Variants in MSH3 observed in about 807,000 individuals in gnomAD.
The protein encoded by MSH3 is DNA mismatch repair protein Msh3.
Under a neutral mutation model 123.3 loss-of-function variants are expected in MSH3, and 106 were observed. That is an observed-to-expected ratio of 0.86 (90% CI 0.73 to 1.01). The LOEUF is 1.01. Among genes scored for constraint, MSH3 ranks in the 50% least tolerant of loss-of-function variants. The pLI, the probability that MSH3 is intolerant of heterozygous loss-of-function variation, is 0.00. For synonymous variants in MSH3, 515 were observed against 481.4 expected, an observed-to-expected ratio of 1.07 and a Z score of -0.91; for missense variants, 1,459 against 1,347.6, an observed-to-expected ratio of 1.08 and a Z score of -1.29.
At chr5:80,785,679 G>C (rs892277232) in intron 17 of MSH3, among the ~76,000 whole-genome samples, 3 of 152,088 alleles carry the variant, frequency 2.0e-5, no homozygotes, top group African/African-American at 7.2e-5. Flanking sequence ...CTGCTATAAA[G>C]ACACATGCAC....
At chr5:80,768,513 CAT>C (rs1001821019) in intron 14 of MSH3, among the ~76,000 whole-genome samples, 2 of 152,112 alleles carry the variant, frequency 1.3e-5, no homozygotes, top group African/African-American at 2.4e-5. Context: ...GTAGTTATAA[CAT>C]ATTGCACAAA....
At chr5:80,672,156 C>A (rs983516763) in intron 4 of MSH3, 88 bp from the exon 5 acceptor site, 1 of 953,938 alleles carries the variant, frequency 1.0e-6, no homozygotes, top group Non-Finnish European at 1.7e-6. Flanking sequence ...AAATGTATAC[C>A]TTGATTAATT....
chr5:80,760,739 C>G (rs577150650), intron 12 of MSH3, among the ~76,000 whole-genome samples: 2 of 152,328 alleles, frequency 1.3e-5, no homozygotes, highest in African/African-American at 4.8e-5. Flanking sequence ...GGATTTTCTG[C>G]TCCACTGTGG....
intron 10 of MSH3, among the ~76,000 whole-genome samples, chr5:80,733,941 A>G (rs1743459291): frequency 6.6e-6 from 1 of 152,178 alleles, no homozygotes; most frequent in African/African-American, 2.4e-5. Context: ...TGATCCAGCA[A>G]TTCCACTAGA....
At chr5:80,845,717 T>A (rs1745708172) in intron 20 of MSH3, among the ~76,000 whole-genome samples, 1 of 152,208 alleles carries the variant, frequency 6.6e-6, no homozygotes, top group Admixed American at 6.5e-5. Flanking sequence ...TGTGCATGCA[T>A]CATGAAGTTC....
At chr5:80,761,989 GT>G (rs1207046453) in intron 13 of MSH3, among the ~76,000 whole-genome samples, 19 of 151,580 alleles carry the variant, frequency 1.3e-4, no homozygotes, top group Non-Finnish European at 2.5e-4. Flanking sequence ...GGAAATTTAT[GT>G]AGACTTGTTA....
chr5:80,677,760 T>TA (rs1749875143), intron 7 of MSH3, among the ~76,000 whole-genome samples: 1 of 152,228 alleles, frequency 6.6e-6, no homozygotes, highest in Non-Finnish European at 1.5e-5. Flanking sequence ...ATAGTGTGTG[T>TA]ATTCTTTTGG....
intron 20 of MSH3, among the ~76,000 whole-genome samples, chr5:80,833,644 T>C (rs979863937): frequency 6.6e-6 from 1 of 152,220 alleles, no homozygotes; most frequent in Non-Finnish European, 1.5e-5. Context: ...GGTTTCACCA[T>C]GTTGGCCAGG....
intron 17 of MSH3, among the ~76,000 whole-genome samples, chr5:80,786,741 A>T (rs1425029750): frequency 6.6e-6 from 1 of 152,230 alleles, no homozygotes; most frequent in African/African-American, 2.4e-5. Context: ...TCCACAATTT[A>T]TACGACACTA....
At chr5:80,679,739 G>C (rs982664992) in intron 8 of MSH3, among the ~76,000 whole-genome samples, 2 of 152,218 alleles carry the variant, frequency 1.3e-5, no homozygotes. Flanking sequence ...CCTCACATGA[G>C]AGTCAGATGT....
At chr5:80,801,964 GA>G (rs1273221309) in intron 19 of MSH3, among the ~76,000 whole-genome samples, 1 of 152,106 alleles carries the variant, frequency 6.6e-6, no homozygotes, top group Non-Finnish European at 1.5e-5. Context: ...GGCTCTCATA[GA>G]AATTGACGCC....
intron 19 of MSH3, among the ~76,000 whole-genome samples, chr5:80,808,052 A>G (rs939873560): frequency 2.6e-5 from 4 of 152,132 alleles, no homozygotes; most frequent in African/African-American, 7.2e-5. Flanking sequence ...GTTCTCTATA[A>G]AGGGTTTTTA....
At chr5:80,728,990 A>G (rs1192767096) in intron 10 of MSH3, 25 bp downstream of exon 10, 1 of 1,247,920 alleles carries the variant, frequency 8.0e-7, no homozygotes, top group Admixed American at 1.7e-5. Flanking sequence ...CAAAATTAAA[A>G]AAAGGGGGAG....
intron 8 of MSH3, among the ~76,000 whole-genome samples, chr5:80,711,001 A>G (rs1750846058): frequency 1.3e-5 from 2 of 152,244 alleles, no homozygotes; most frequent in Admixed American, 1.3e-4. Flanking sequence ...AAGACAGACT[A>G]GAATTTTTTT....
chr5:80,750,085 G>C (rs1396640811), intron 12 of MSH3, among the ~76,000 whole-genome samples: 1 of 150,332 alleles, frequency 6.7e-6, no homozygotes, highest in Non-Finnish European at 1.5e-5. Flanking sequence ...CAGAGTGTGT[G>C]TGTGTGTGTG....
chr5:80,665,076 G>A lies in MSH3; in HGVS notation c.359-67G>A, dbSNP rs1388608775. On this transcript the variant is annotated intron_variant, in intron 2 of 23. Coordinates refer to ENST00000265081, the MANE Select transcript of MSH3 (RefSeq NM_002439.5). ...CTACCTCTTTAAAAAATTCTATGCT[G>A]GTTATGAATTGACATAATGAGACCA... 7 of 1,181,324 alleles carry A rather than the reference G, an allele frequency of 5.9e-6. No homozygotes were observed. In the East Asian group the frequency reaches 7.2e-5, roughly 12 times the overall value. 73.2% of individuals were successfully genotyped at this position (1,181,324 alleles called of 1,614,324 possible). A position where few individuals can be genotyped will look rare whatever the true frequency, so the allele number is the denominator to read the frequency against.
At chr5:80,860,175 G>A (rs547871273) in intron 21 of MSH3, among the ~76,000 whole-genome samples, 108 of 152,088 alleles carry the variant, frequency 7.1e-4, no homozygotes, top group African/African-American at 2.3e-3. Context: ...TGAACAAAAT[G>A]TTATGCTAGA....
chr5:80,818,388 AT>A, intron 20 of MSH3, among the ~76,000 whole-genome samples: 1 of 147,742 alleles, frequency 6.8e-6, no homozygotes, highest in Admixed American at 6.8e-5. Flanking sequence ...TTTTTAACAA[AT>A]AAATAGCAAT....
chr5:80,735,348 C>T (rs1298235909), intron 10 of MSH3, among the ~76,000 whole-genome samples: 1 of 141,344 alleles, frequency 7.1e-6, no homozygotes, highest in Non-Finnish European at 1.5e-5. Flanking sequence ...CATGCCACTG[C>T]ACTCCAGCCT....
Sources: allele counts gnomAD v4.1 joint callset (sites outside exome capture counted in the v4.1 genomes callset), GRCh38; gene constraint gnomAD v4.1.1; transcripts MANE v1.5; gene names NCBI Gene and HGNC (gene_info 2026-07-23, HGNC 2026-07-21).